Variants in CDHR3 observed in about 807,000 individuals in gnomAD.
CDHR3 encodes the protein cadherin-related family member 3.
A neutral mutation model predicts 86.6 loss-of-function variants in CDHR3; 79 were observed. The observed-to-expected ratio is 0.91, with a 90% confidence interval of 0.76 to 1.10. The LOEUF (loss-of-function observed/expected upper bound fraction) is 1.10. Among genes scored for constraint, CDHR3 ranks in the 50% least tolerant of loss-of-function variants. The pLI is 0.00. For missense variants in CDHR3, 1,081 were observed against 1,077.6 expected (o/e 1.00, Z -0.04); for synonymous variants, 421 against 402.4 (o/e 1.05, Z -0.55).
intron 15 of CDHR3, among the ~76,000 whole-genome samples, chr7:106,026,248 CATGTGACAGGAAACCA>C (rs747628506): frequency 1.2e-4 from 19 of 152,154 alleles, no homozygotes; most frequent in Non-Finnish European, 2.2e-4. Context: ...TCCAGCTCTT[CATGTGACAGGAAACCA>C]AAATGTAACT....
intron 16 of CDHR3, 82 bp downstream of exon 16, chr7:106,026,777 G>T (rs1283668028): frequency 7.1e-7 from 1 of 1,401,036 alleles, no homozygotes; most frequent in African/African-American, 1.4e-5. Context: ...ACTCGGCAAA[G>T]AATCAGGCCG....
intron 8 of CDHR3, among the ~76,000 whole-genome samples, chr7:106,008,863 G>A (rs545115992): frequency 6.6e-5 from 10 of 152,282 alleles, no homozygotes; most frequent in African/African-American, 1.9e-4. Context: ...GAGGTAGGGG[G>A]TGAAGGTTAA....
rs1414356178 is a variant in CDHR3 at position 106,035,679 on chromosome 7, T to C, written c.*2982T>C. 1.3e-5 allele frequency: 2 copies of C among 152,022 alleles called. No homozygotes were observed. Among genetic ancestry groups the C allele is most frequent in the Non-Finnish European group, 2.9e-5 (2 of 68,004 alleles). 9.4% of individuals were successfully genotyped at this position (152,022 alleles called of 1,614,324 possible). ...CCACTTCATGCTCACCTCATGGAAA[T>C]GAAGTAGTGGACCACAATTGGTCTG... On this transcript the variant is annotated 3_prime_UTR_variant, in exon 19 of 19. Transcript: ENST00000317716.
At position 106,035,804 on chromosome 7, in the gene CDHR3, G is replaced by T. The variant is rs1163278436; in HGVS notation, c.*3107G>T. 6.6e-6 allele frequency: 1 copy of T among 152,172 alleles called. No individual in the cohort carries two copies. Among genetic ancestry groups the T allele is most frequent in the Non-Finnish European group, 1.5e-5 (1 of 68,034 alleles). 9.4% of individuals were successfully genotyped at this position (152,172 alleles called of 1,614,324 possible). A position where few individuals can be genotyped will look rare whatever the true frequency, so the allele number is the denominator to read the frequency against. On this transcript the variant is annotated 3_prime_UTR_variant, in exon 19 of 19. Coordinates refer to ENST00000317716, the MANE Select transcript of CDHR3 (RefSeq NM_152750.5). ...TGGTTGCAAAAAGCAACCAATCAGA[G>T]GCTAAGGTGAAGTTACAACGTTGCA...
chr7:105,981,559 C>T (rs1829738169), intron 3 of CDHR3, among the ~76,000 whole-genome samples: 1 of 152,188 alleles, frequency 6.6e-6, no homozygotes, highest in Admixed American at 6.5e-5. Context: ...CCAGAGCACA[C>T]AGTAACTAAT....
intron 10 of CDHR3, 29 bp downstream of exon 10, chr7:106,015,242 T>G (rs1256293261): frequency 6.5e-7 from 1 of 1,550,328 alleles, no homozygotes; most frequent in Admixed American, 1.9e-5. Context: ...TATTTCATGA[T>G]TGTCTTTCTT....
intron 6 of CDHR3, among the ~76,000 whole-genome samples, chr7:106,000,940 G>A (rs547728807): frequency 6.7e-6 from 1 of 148,910 alleles, no homozygotes; most frequent in South Asian, 2.1e-4. Flanking sequence ...AAAAAAGTGA[G>A]CAAACACATG....
chr7:105,976,995 T>TG (rs1317961457), intron 2 of CDHR3, among the ~76,000 whole-genome samples: 1 of 151,106 alleles, frequency 6.6e-6, no homozygotes, highest in Non-Finnish European at 1.5e-5. Flanking sequence ...TTTTTTTTTT[T>TG]TTTTTGAGAT....
intron 4 of CDHR3, among the ~76,000 whole-genome samples, chr7:105,989,124 G>T (rs1830956927): frequency 6.6e-6 from 1 of 152,148 alleles, no homozygotes; most frequent in Admixed American, 6.5e-5. Flanking sequence ...GGCTTGGCTT[G>T]GAGGTATGCA....
In CDHR3 at chr7:105,981,076, A is replaced by C. The variant is rs755502144; in HGVS notation, c.358A>C (p.Thr120Pro). The C allele has an allele frequency of 6.2e-7, 1 of 1,613,654 alleles. No homozygotes were observed. Reference sequence around the variant, plus strand: ...TGGTGTCACAGACCTGCAAGTCCTGACTGTCCAGGTAACAGATGTGAACGA... The same window carrying C: ...TGGTGTCACAGACCTGCAAGTCCTGCCTGTCCAGGTAACAGATGTGAACGA... The part of the protein sequence containing the change: ...EVGVTDLQVL[T>P]VQVTDVNEPP... Residue 120 changes from threonine (T) to proline (P), a missense_variant, in exon 3 of 19, where the codon ACT becomes CCT. Transcript: ENST00000317716.
chr7:106,011,171 A>G (rs969626802), intron 8 of CDHR3, among the ~76,000 whole-genome samples: 1 of 152,214 alleles, frequency 6.6e-6, no homozygotes, highest in African/African-American at 2.4e-5. Flanking sequence ...CAAAACAAAC[A>G]AAAAAGAAAG....
chr7:106,028,859 T>C (rs1356821782), intron 17 of CDHR3, among the ~76,000 whole-genome samples: 3 of 152,252 alleles, frequency 2.0e-5, no homozygotes, highest in African/African-American at 7.2e-5. Flanking sequence ...GAGAGTGAGT[T>C]GAGGGAGTGA....
At chr7:105,984,378 T>G in intron 4 of CDHR3, 89 bp downstream of exon 4, 1 of 922,398 alleles carries the variant, frequency 1.1e-6, no homozygotes, top group Non-Finnish European at 1.6e-6. Flanking sequence ...GGGGTGAGTT[T>G]GGGCAGTGGC....
chr7:106,030,505 A>C lies in CDHR3; in HGVS notation c.2305-287A>C, dbSNP rs1485789993. Among the ~76,000 whole-genome samples the C allele has an allele frequency of 1.3e-5, 2 of 152,160 alleles. No homozygotes were observed. The highest frequency in any genetic ancestry group is 6.5e-5 in the Admixed American group (1 of 15,280). The stretch of plus-strand genomic sequence containing the variant: ...CTTCCTTAACCCCCAAGTGTGGTTT[A>C]AATGTCCCCTCTACCCCTACCTGTG... On this transcript the variant is annotated intron_variant, in intron 17 of 18. Transcript: ENST00000317716. This position sits in a 1 kb window ranked among gnomAD's most constrained non-coding sequence, Gnocchi z 4.8.
At position 106,030,381 on chromosome 7, in the gene CDHR3, A is replaced by G. The variant is rs1280250830; in HGVS notation, c.2305-411A>G. Among the ~76,000 whole-genome samples the G allele has an allele frequency of 1.3e-5, 2 of 152,208 alleles. No individual in the cohort carries two copies. The highest frequency in any genetic ancestry group is 3.8e-4 in the East Asian group (2 of 5,198). On this transcript the variant is annotated intron_variant, in intron 17 of 18. Transcript: ENST00000317716. The surrounding 1 kb of genome is among the most constrained non-coding windows in gnomAD (Gnocchi z 4.8). The stretch of plus-strand genomic sequence containing the variant: ...GGAGCTCACCTGTGTCCACCTTGAC[A>G]ATGCCTGACAGCAATTCACTGACAC...
chr7:105,987,727 G>A (rs1294968254), intron 4 of CDHR3, among the ~76,000 whole-genome samples: 5 of 152,200 alleles, frequency 3.3e-5, no homozygotes, highest in Admixed American at 1.3e-4. Flanking sequence ...CTAATGTATG[G>A]CCAGGGGTGA....
intron 13 of CDHR3, among the ~76,000 whole-genome samples, chr7:106,021,181 C>G (rs141749879): frequency 9.2e-5 from 14 of 152,110 alleles, no homozygotes; most frequent in African/African-American, 3.4e-4. Flanking sequence ...AAAAGAGCAC[C>G]CCTCAATGGA....
At chr7:106,018,390 C>T (rs1008759961) in intron 12 of CDHR3, among the ~76,000 whole-genome samples, 1 of 152,158 alleles carries the variant, frequency 6.6e-6, no homozygotes, top group East Asian at 1.9e-4. Context: ...GTGTGCACCA[C>T]CGTGCGCAGC....
At chr7:106,028,147 TA>T (rs1014674423) in intron 16 of CDHR3, among the ~76,000 whole-genome samples, 2 of 121,610 alleles carry the variant, frequency 1.6e-5, no homozygotes, top group African/African-American at 2.7e-5. Context: ...TAAAATAAAA[TA>T]AAATAAAATA....
Sources: allele counts gnomAD v4.1 joint callset (sites outside exome capture counted in the v4.1 genomes callset), GRCh38; gene constraint gnomAD v4.1.1; non-coding constraint Gnocchi (gnomAD v3.1); transcripts MANE v1.5; gene names NCBI Gene and HGNC (gene_info 2026-07-23, HGNC 2026-07-21).